The following PCDHGA12 variants were observed in gnomAD, a reference collection of about 807,000 sequenced individuals.
The protein encoded by PCDHGA12 is protocadherin gamma subfamily A, 12.
In PCDHGA12, 43 loss-of-function variants were observed where a neutral mutation model predicts 61.1. The observed-to-expected ratio is 0.70, with a 90% CI of 0.55 to 0.91. The LOEUF (loss-of-function observed/expected upper bound fraction) is 0.91. Ranked by LOEUF, PCDHGA12 falls within the 40% of genes least tolerant of loss-of-function variation. PCDHGA12 has a pLI of 0.00. For missense variants in PCDHGA12, 1,236 were observed against 1,227.7 expected, an observed-to-expected ratio of 1.01 and a Z score of -0.10; for synonymous variants, 520 against 542.9, an observed-to-expected ratio of 0.96 and a Z score of 0.59.
chr5:141,493,937 A>G lies in PCDHGA12; in HGVS notation c.2425-870A>G, dbSNP rs931274307. Among the ~76,000 whole-genome samples the G allele has an allele frequency of 6.6e-6, 1 of 152,212 alleles. No individual in the cohort carries two copies. The highest frequency in any genetic ancestry group is 1.5e-5 in the Non-Finnish European group (1 of 68,022). ...GGATAACACACCCCCTGGAAAGACCAGAAGGGACTCAGGAATGAAGTGGCT... is the reference window on the plus strand; with the variant it reads ...GGATAACACACCCCCTGGAAAGACCGGAAGGGACTCAGGAATGAAGTGGCT... On this transcript the variant is annotated intron_variant, in intron 1 of 3. Coordinates refer to ENST00000252085, the MANE Select transcript of PCDHGA12 (RefSeq NM_003735.3). This position sits in a 1 kb window ranked among gnomAD's most constrained non-coding sequence, Gnocchi z 4.3.
At chr5:141,453,780 C>T (rs1330142662) in intron 1 of PCDHGA12, among the ~76,000 whole-genome samples, 3 of 152,090 alleles carry the variant, frequency 2.0e-5, no homozygotes, top group African/African-American at 4.8e-5. Flanking sequence ...TTTTAGTTAC[C>T]ATGGTATATT....
chr5:141,505,270 G>C, intron 2 of PCDHGA12, 123 bp from the exon 3 acceptor site: 1 of 1,520,726 alleles, frequency 6.6e-7, no homozygotes, highest in African/African-American at 1.4e-5. Context: ...CTTGCTGAGA[G>C]AAACAGGTCT....
intron 3 of PCDHGA12, among the ~76,000 whole-genome samples, chr5:141,505,793 GGACTTGGATC>G (rs2099848390): frequency 6.6e-6 from 1 of 152,142 alleles, no homozygotes; most frequent in Non-Finnish European, 1.5e-5. Flanking sequence ...ACTATCCTTG[GGACTTGGATC>G]GACTTGCTCA....
rs143779180 is a variant in PCDHGA12, at chr5:141,485,438, C to T, written c.2425-9369C>T. Reference sequence around the variant, plus strand: ...CAGCGGAGCCCTGCTCATCAAGAACCCAATCGACCGAGAGGCACTGTGTGG... The same window carrying T: ...CAGCGGAGCCCTGCTCATCAAGAACTCAATCGACCGAGAGGCACTGTGTGG... On this transcript the variant is annotated intron_variant, in intron 1 of 3. Transcript: ENST00000252085. This position sits in a 1 kb window ranked among gnomAD's most constrained non-coding sequence, Gnocchi z 5.7. 2.9e-5 allele frequency: 47 copies of T among 1,614,052 alleles called. No individual in the cohort carries two copies. The highest frequency in any genetic ancestry group is 4.0e-5 in the African/African-American group (3 of 74,924).
rs1212381177 is a variant in PCDHGA12 at position 141,438,571 on chromosome 5, TATACATAC to T, written c.2424+5404_2424+5411del. On this transcript the variant is annotated intron_variant, in intron 1 of 3. Coordinates refer to ENST00000252085, the MANE Select transcript of PCDHGA12 (RefSeq NM_003735.3). Reference sequence around the variant, plus strand: ...GCCCTAATAAGAGGCAGCTGTCTGATATACATACATACATACATACATATATATATATA... The same window carrying T: ...GCCCTAATAAGAGGCAGCTGTCTGATATACATACATACATATATATATATA... Among the ~76,000 whole-genome samples the T allele has an allele frequency of 2.8e-4, 26 of 94,536 alleles. 1 individual carries two copies. Among genetic ancestry groups the T allele is most frequent in the South Asian group, 1.0e-3 (3 of 2,950 alleles). 62.0% of individuals were successfully genotyped at this position (94,536 alleles called of 152,430 possible). A position where few individuals can be genotyped will look rare whatever the true frequency, so the allele number is the denominator to read the frequency against.
chr5:141,473,700 C>G (rs1474416849), intron 1 of PCDHGA12, among the ~76,000 whole-genome samples: 1 of 152,148 alleles, frequency 6.6e-6, no homozygotes, highest in Non-Finnish European at 1.5e-5. Context: ...GACCACCCTC[C>G]AAGTGGTGCA....
At chr5:141,451,712 C>G (rs769620335) in intron 1 of PCDHGA12, among the ~76,000 whole-genome samples, 2 of 151,994 alleles carry the variant, frequency 1.3e-5, no homozygotes, top group African/African-American at 4.8e-5. Context: ...CAAAACCCTG[C>G]CTCTACTAAA....
At position 141,485,257 on chromosome 5, in the gene PCDHGA12, T is replaced by G. The variant is rs1251686604; in HGVS notation, c.2425-9550T>G. 1.9e-6 allele frequency: 3 copies of G among 1,614,036 alleles called. No homozygotes were observed. The highest frequency in any genetic ancestry group is 2.5e-6 in the Non-Finnish European group (3 of 1,180,006). ...TCTTTTACCACCTGGGTTACGTTTG[T>G]GGGCAGATCCGCTACCCGGTCCCAG... On this transcript the variant is annotated intron_variant, in intron 1 of 3. Coordinates refer to ENST00000252085, the MANE Select transcript of PCDHGA12 (RefSeq NM_003735.3). The surrounding 1 kb of genome is among the most constrained non-coding windows in gnomAD (Gnocchi z 5.7).
intron 1 of PCDHGA12, among the ~76,000 whole-genome samples, chr5:141,444,786 T>C (rs1252217349): frequency 6.6e-6 from 1 of 152,226 alleles, no homozygotes; most frequent in Non-Finnish European, 1.5e-5. Context: ...CATGTTTCAT[T>C]TGTCTATTCT....
intron 1 of PCDHGA12, among the ~76,000 whole-genome samples, 184 bp from the exon 2 acceptor site, chr5:141,494,623 C>A (rs2099755716): frequency 6.6e-6 from 1 of 152,146 alleles, no homozygotes; most frequent in Non-Finnish European, 1.5e-5. Flanking sequence ...GTTTCTGGTA[C>A]CTCAGACCTC....
chr5:141,471,046 CTTTTT>C (rs1170588345), intron 1 of PCDHGA12, among the ~76,000 whole-genome samples: 2 of 113,276 alleles, frequency 1.8e-5, no homozygotes, highest in Non-Finnish European at 3.6e-5. Context: ...CCCAAGCCCT[CTTTTT>C]TTTTTTTTTT....
rs773763605 is a variant in PCDHGA12, at chr5:141,476,631, A to G, written c.2425-18176A>G. On this transcript the variant is annotated intron_variant, in intron 1 of 3. Transcript: ENST00000252085. The surrounding 1 kb of genome is among the most constrained non-coding windows in gnomAD (Gnocchi z 7.6). ...GTGGGAAGCAACTCTTTACAAACCT[A>G]TGAGCTGAGCCGAAATGAATACTTT... The G allele has an allele frequency of 2.5e-6, 4 of 1,614,224 alleles. No individual in the cohort carries two copies. Among genetic ancestry groups the G allele is most frequent in the Admixed American group, 1.7e-5 (1 of 60,032 alleles).
At chr5:141,463,034 G>A (rs2099051345) in intron 1 of PCDHGA12, among the ~76,000 whole-genome samples, 2 of 152,112 alleles carry the variant, frequency 1.3e-5, no homozygotes, top group African/African-American at 4.8e-5. Flanking sequence ...ATTAATCTGA[G>A]TGTTCAGCAG....
In PCDHGA12 at chr5:141,488,566, A is replaced by T. The variant is rs1354931497; in HGVS notation, c.2425-6241A>T. On this transcript the variant is annotated intron_variant, in intron 1 of 3. Coordinates refer to ENST00000252085, the MANE Select transcript of PCDHGA12 (RefSeq NM_003735.3). ...TGTCAGCTGACATTGAGATTTCCGC[A>T]AAGCATTGCTGGAGAGTCAGGGCAA... 5.9e-5 allele frequency among the ~76,000 whole-genome samples: 9 copies of T among 152,324 alleles called. No individual in the cohort carries two copies. In the East Asian group the frequency reaches 1.5e-3, roughly 26 times the overall value.
intron 2 of PCDHGA12, among the ~76,000 whole-genome samples, chr5:141,499,352 CA>C (rs2099791418): frequency 6.6e-6 from 1 of 152,058 alleles, no homozygotes; most frequent in South Asian, 2.1e-4. Context: ...AGTCATTCAA[CA>C]AACAAATAGC....
At chr5:141,460,132 T>TAAAA in intron 1 of PCDHGA12, among the ~76,000 whole-genome samples, 1 of 152,036 alleles carries the variant, frequency 6.6e-6, no homozygotes, top group South Asian at 2.1e-4. Context: ...GTAATATATA[T>TAAAA]ATTCTTGATG....
chr5:141,501,945 T>G (rs1318749969), intron 2 of PCDHGA12, among the ~76,000 whole-genome samples: 5 of 152,106 alleles, frequency 3.3e-5, no homozygotes, highest in African/African-American at 1.2e-4. Context: ...CACTGCTCCC[T>G]GTGACAGGTC....
chr5:141,443,288 C>T (rs2098378643), intron 1 of PCDHGA12, among the ~76,000 whole-genome samples: 1 of 150,180 alleles, frequency 6.7e-6, no homozygotes, highest in Non-Finnish European at 1.5e-5. Context: ...TGAGACCAGC[C>T]TGGACAGCAT....
chr5:141,499,268 G>C (rs564234341), intron 2 of PCDHGA12, among the ~76,000 whole-genome samples: 1 of 152,224 alleles, frequency 6.6e-6, no homozygotes, highest in South Asian at 2.1e-4. Flanking sequence ...TTGGTCCCTA[G>C]ACTGTTCTCT....
Sources: gnomAD v4.1 joint callset for allele counts (sites outside exome capture counted in the v4.1 genomes callset) on GRCh38, gnomAD v4.1.1 for gene constraint, Gnocchi (gnomAD v3.1) non-coding constraint, MANE v1.5 for transcripts, NCBI Gene and HGNC (gene_info 2026-07-23, HGNC 2026-07-21) for gene names.